SI: variants seen among roughly 807,000 people sequenced by gnomAD.
The protein encoded by SI is sucrase-isomaltase.
In SI, 235 loss-of-function variants were observed where a neutral mutation model predicts 253.3. The ratio of observed to expected loss-of-function variants is 0.93; its 90% CI spans 0.83 to 1.03. The LOEUF is 1.03. Ranked by LOEUF, SI falls within the 50% of genes least tolerant of loss-of-function variation. The probability of loss-of-function intolerance (pLI) is 0.00; values close to 1 mark genes in which losing one functional copy is unlikely to be tolerated. For missense variants in SI, 2,442 were observed against 2,211.1 expected (o/e 1.10, Z -2.09); for synonymous variants, 819 against 712.0 (o/e 1.15, Z -2.39).
At chr3:164,985,587 A>G (rs1055209186) in intron 45 of SI, among the ~76,000 whole-genome samples, 2 of 152,210 alleles carry the variant, frequency 1.3e-5, no homozygotes, top group Non-Finnish European at 2.9e-5. Context: ...TTTACCTTTA[A>G]GATAAAAGAT....
intron 16 of SI, among the ~76,000 whole-genome samples, chr3:165,046,286 T>C (rs1049083639): frequency 6.6e-6 from 1 of 152,142 alleles, no homozygotes; most frequent in Non-Finnish European, 1.5e-5. Context: ...TGTCTCTCTT[T>C]AGTCTTGAAT....
Position 164,996,548 on chromosome 3 carries a change from A to G in SI, c.4679T>C (p.Ile1560Thr). 6.5e-7 allele frequency: 1 copy of G among 1,536,314 alleles called. No homozygotes were observed. Among genetic ancestry groups the G allele is most frequent in the Non-Finnish European group, 9.0e-7 (1 of 1,109,666 alleles). ...AFYPYSRNHNIANTRRQDPAS... is the reference protein window; with the variant it reads ...AFYPYSRNHNTANTRRQDPAS... ...GTAATTACATACTCTAGTATTTGCA[A>G]TGTTGTGATTCCTTGAGTATGGATA... is the stretch of plus-strand genomic sequence containing the variant. Residue 1560 changes from isoleucine (I) to threonine (T), a missense_variant, in exon 40 of 48, where the codon ATT becomes ACT. Coordinates refer to ENST00000264382, the MANE Select transcript of SI (RefSeq NM_001041.4).
chr3:165,061,362 G>A (rs953269450), intron 9 of SI, among the ~76,000 whole-genome samples: 1 of 151,904 alleles, frequency 6.6e-6, no homozygotes, highest in African/African-American at 2.4e-5. Flanking sequence ...ATGTAGGCCA[G>A]CCTAGAACTG....
intron 17 of SI, among the ~76,000 whole-genome samples, chr3:165,042,747 C>T (rs1035382181): frequency 3.3e-5 from 5 of 152,056 alleles, no homozygotes; most frequent in East Asian, 1.9e-4. Context: ...TCCAAGAATT[C>T]ATACTCTAAA....
intron 22 of SI, 90 bp downstream of exon 22, chr3:165,036,299 A>G: frequency 1.2e-6 from 1 of 837,240 alleles, no homozygotes; most frequent in Non-Finnish European, 2.0e-6. Context: ...AAAATTCGTG[A>G]TATTTAAAAA....
At chr3:164,986,950 G>A in intron 45 of SI, among the ~76,000 whole-genome samples, 188 bp downstream of exon 45, 1 of 152,286 alleles carries the variant, frequency 6.6e-6, no homozygotes, top group East Asian at 1.9e-4. Flanking sequence ...TAGGATAAGA[G>A]AAGTCTTTAA....
intron 13 of SI, 143 bp from the exon 14 acceptor site, chr3:165,050,018 C>T (rs1041619858): frequency 1.6e-6 from 1 of 632,828 alleles, no homozygotes; most frequent in Non-Finnish European, 2.9e-6. Context: ...AAGCTACCAA[C>T]CTAAAAATAA....
At chr3:165,065,688 A>G (rs1342615939) in intron 6 of SI, among the ~76,000 whole-genome samples, 1 of 151,310 alleles carries the variant, frequency 6.6e-6, no homozygotes, top group African/African-American at 2.4e-5. Flanking sequence ...AGTTCAAAGC[A>G]TAACTACCAT....
In SI at chr3:165,006,906, T is replaced by A; in HGVS notation, c.4316A>T (p.Glu1439Val). 6.2e-7 allele frequency: 1 copy of A among 1,612,128 alleles called. No homozygotes were observed. The highest frequency in any genetic ancestry group is 8.5e-7 in the Non-Finnish European group (1 of 1,178,476). The change falls in exon 37 of 48, where the codon GAA (glutamate) becomes GTA (valine). Residue 1439 changes from glutamate (E) to valine (V), a missense_variant. By Grantham distance (121) the Glu-to-Val change is moderately radical (BLOSUM62 -2). Transcript: ENST00000264382. ...TCCATCACTAAGAATCTGCTCAGCT[T>A]CCATGCAAATTGTTCTGAAATGTAA... ...DGLHFRTICMEAEQILSDGTS... is the reference protein window; with the variant it reads ...DGLHFRTICMVAEQILSDGTS...
intron 25 of SI, 64 bp from the exon 26 acceptor site, chr3:165,023,840 A>C: frequency 1.7e-6 from 2 of 1,149,050 alleles, no homozygotes; most frequent in Non-Finnish European, 2.6e-6. Flanking sequence ...ACTCTTTAAA[A>C]TTATACTGAC....
Position 164,979,450 on chromosome 3 carries a change from A to C in SI, c.5416-20T>G. 1.5e-6 allele frequency: 2 copies of C among 1,329,230 alleles called. No individual in the cohort carries two copies. The highest frequency in any genetic ancestry group is 2.2e-6 in the Non-Finnish European group (2 of 925,176). 82.3% of individuals were successfully genotyped at this position (1,329,230 alleles called of 1,614,324 possible). On this transcript the variant is annotated intron_variant, in intron 47 of 47. Coordinates refer to ENST00000264382, the MANE Select transcript of SI (RefSeq NM_001041.4). Reference sequence around the variant, plus strand: ...TAATATCTAAAAAAGTAAAATAATAATTAGTTGTTTAATCACAACCACATT... The same window carrying C: ...TAATATCTAAAAAAGTAAAATAATACTTAGTTGTTTAATCACAACCACATT...
chr3:165,032,108 A>G (rs1483671463), intron 24 of SI, among the ~76,000 whole-genome samples: 4 of 151,436 alleles, frequency 2.6e-5, no homozygotes, highest in Non-Finnish European at 5.9e-5. Flanking sequence ...ACTAAAAAAG[A>G]AACAGGAGAA....
the SI span, among the ~76,000 whole-genome samples, chr3:165,090,196 C>T: frequency 6.6e-6 from 1 of 151,206 alleles, no homozygotes; most frequent in African/African-American, 2.4e-5. Context: ...CCCGCATTGT[C>T]TCTGCCAGGT....
intron 44 of SI, among the ~76,000 whole-genome samples, chr3:164,988,404 A>G (rs1576868189): frequency 6.6e-6 from 1 of 152,206 alleles, no homozygotes; most frequent in Admixed American, 6.5e-5. Flanking sequence ...TTCCCAACAT[A>G]TACTAAAACT....
At chr3:165,010,033 C>G (rs1718700601) in intron 34 of SI, among the ~76,000 whole-genome samples, 1 of 151,994 alleles carries the variant, frequency 6.6e-6, no homozygotes, top group African/African-American at 2.4e-5. Flanking sequence ...AACCTGGATG[C>G]TTTTTTGGCA....
intron 15 of SI, among the ~76,000 whole-genome samples, chr3:165,047,832 T>TA (rs2108229784): frequency 1.1e-5 from 1 of 88,920 alleles, no homozygotes; most frequent in South Asian, 4.5e-4. Context: ...AAAACTTACA[T>TA]AATTAAGAAG....
chr3:165,010,044 C>T (rs1359853846), intron 34 of SI, among the ~76,000 whole-genome samples: 1 of 152,102 alleles, frequency 6.6e-6, no homozygotes, highest in Non-Finnish European at 1.5e-5. Flanking sequence ...TTTTTTGGCA[C>T]ATGTTAAGAT....
At chr3:165,012,419 TG>T (rs765708564) in intron 34 of SI, among the ~76,000 whole-genome samples, 3 of 152,214 alleles carry the variant, frequency 2.0e-5, no homozygotes, top group East Asian at 1.9e-4. Flanking sequence ...AATAATTTTT[TG>T]TCGTTGTTGT....
At position 165,039,085 on chromosome 3, in the gene SI, T is replaced by C; in HGVS notation, c.2294A>G (p.Tyr765Cys). The C allele has an allele frequency of 6.3e-7, 1 of 1,584,950 alleles. No individual in the cohort carries two copies. Among genetic ancestry groups the C allele is most frequent in the Non-Finnish European group, 8.7e-7 (1 of 1,155,286 alleles). ...AYIPDAIWYD[Y>C]ESGAKRPWRK... The stretch of plus-strand genomic sequence containing the variant: ...TATGTTAAGGTTACTTACAGATTCA[T>C]AATCATACCAAATAGCATCAGGGAT... Residue 765 changes from tyrosine (Y) to cysteine (C), a missense_variant, in exon 20 of 48, where the codon TAT (tyrosine) becomes TGT (cysteine). Tyr to Cys is a radical substitution (Grantham distance 194). Transcript: ENST00000264382.
Sources: gnomAD v4.1 joint callset for allele counts (sites outside exome capture counted in the v4.1 genomes callset) on GRCh38, gnomAD v4.1.1 for gene constraint, MANE v1.5 for transcripts, NCBI Gene and HGNC (gene_info 2026-07-23, HGNC 2026-07-21) for gene names.